Variants in DPH6 observed in about 807,000 individuals in gnomAD.
DPH6 encodes the protein diphthine--ammonia ligase.
A neutral mutation model predicts 38.2 loss-of-function variants in DPH6; 33 were observed. The observed-to-expected ratio is 0.86, with a 90% CI of 0.65 to 1.15. The LOEUF is 1.15. Ranked by LOEUF, DPH6 falls within the 50% of genes most tolerant of loss-of-function variation. The pLI, the probability that DPH6 is intolerant of heterozygous loss-of-function variation, is 0.00. For synonymous variants in DPH6, 108 were observed against 103.0 expected (o/e 1.05, Z -0.30); for missense variants, 325 against 320.0 (o/e 1.02, Z -0.12).
intron 6 of DPH6, among the ~76,000 whole-genome samples, chr15:35,408,181 GA>G (rs1290593396): frequency 1.3e-5 from 2 of 152,070 alleles, no homozygotes; most frequent in East Asian, 3.9e-4. Flanking sequence ...GCAGGTGAGG[GA>G]AAGAGGAGTC....
chr15:35,477,751 A>G (rs1399976999), intron 3 of DPH6, among the ~76,000 whole-genome samples: 2 of 151,810 alleles, frequency 1.3e-5, no homozygotes, highest in African/African-American at 4.8e-5. Flanking sequence ...ATTTTCTTCA[A>G]TTTCACATTC....
At chr15:35,174,547 A>C in the DPH6 span, among the ~76,000 whole-genome samples, 6 of 152,236 alleles carry the variant, frequency 3.9e-5, no homozygotes, top group African/African-American at 9.6e-5. Context: ...GAACACTAGG[A>C]TTGAATATAC....
In DPH6 at chr15:35,372,196, G is replaced by A. The variant is rs974588124; in HGVS notation, c.758C>T (p.Ser253Leu). ...AGATGTTCTGTAGTTGTCAGGCACT[G>A]AGGACACCTAAAAAAAAAAGGGAAG... ...LELHLEDKVSSVPDNYRTSNY... is the reference protein window; with the variant it reads ...LELHLEDKVSLVPDNYRTSNY... The change falls in exon 9 of 9, where the codon TCA becomes TTA. Residue 253 changes from serine to leucine, a missense_variant. Transcript: ENST00000256538. The A allele has an allele frequency of 4.7e-6, 7 of 1,491,758 alleles. No homozygotes were observed. In the African/African-American group the frequency reaches 7.8e-5, roughly 17 times the overall value. 92.4% of individuals were successfully genotyped at this position (1,491,758 alleles called of 1,614,324 possible).
the DPH6 span, among the ~76,000 whole-genome samples, chr15:35,173,720 A>G: frequency 8.9e-4 from 135 of 152,144 alleles, no homozygotes; most frequent in African/African-American, 2.5e-3. Context: ...TCGAATTAAC[A>G]GCAATTCTTT....
chr15:35,357,884 A>T (rs2052579124), intron 3 of DPH6, among the ~76,000 whole-genome samples: 2 of 152,040 alleles, frequency 1.3e-5, no homozygotes, highest in African/African-American at 4.8e-5. Flanking sequence ...CTTTGTGATG[A>T]ATTTCCCAGG....
At chr15:35,435,222 A>G (rs1013088975) in intron 5 of DPH6, among the ~76,000 whole-genome samples, 2 of 152,224 alleles carry the variant, frequency 1.3e-5, no homozygotes, top group African/African-American at 4.8e-5. Flanking sequence ...GTTTAGTCTA[A>G]AGCTGCCTCC....
Position 35,465,144 on chromosome 15 carries a change from A to C in DPH6, c.313-10324T>G, listed in dbSNP as rs113622935. ...AATGAAAACTCAGCCTACTTATTACAAAGATAAGAAGATATGCAGCTTGCA... is the reference window on the plus strand; with the variant it reads ...AATGAAAACTCAGCCTACTTATTACCAAGATAAGAAGATATGCAGCTTGCA... On this transcript the variant is annotated intron_variant, in intron 3 of 8. Transcript: ENST00000256538. Among the ~76,000 whole-genome samples the C allele has an allele frequency of 5.3e-3, 814 of 152,346 alleles. 11 individuals carry two copies. The highest frequency in any genetic ancestry group is 0.019 in the African/African-American group (770 of 41,574).
chr15:35,470,049 T>G (rs1447503507), intron 3 of DPH6, among the ~76,000 whole-genome samples: 1 of 151,952 alleles, frequency 6.6e-6, no homozygotes, highest in Non-Finnish European at 1.5e-5. Flanking sequence ...AATACAAAAA[T>G]TAGCCGGGCA....
chr15:35,324,358 T>C (rs533194790), intron 3 of DPH6, among the ~76,000 whole-genome samples: 14 of 152,190 alleles, frequency 9.2e-5, no homozygotes, highest in South Asian at 8.3e-4. Flanking sequence ...GCAGGAGGAA[T>C]GGGAGGGAAA....
At chr15:35,445,636 T>C (rs1322298855) in intron 5 of DPH6, among the ~76,000 whole-genome samples, 1 of 151,830 alleles carries the variant, frequency 6.6e-6, no homozygotes, top group South Asian at 2.1e-4. Context: ...TATTTTATCA[T>C]TTACTACCAT....
At chr15:35,393,832 G>C (rs2053091724) in intron 6 of DPH6, among the ~76,000 whole-genome samples, 1 of 152,122 alleles carries the variant, frequency 6.6e-6, no homozygotes, top group Non-Finnish European at 1.5e-5. Context: ...GAGGATTGAG[G>C]AAAGTTAAAA....
chr15:35,358,591 C>T (rs2052587580), intron 3 of DPH6, among the ~76,000 whole-genome samples: 1 of 152,176 alleles, frequency 6.6e-6, no homozygotes, highest in African/African-American at 2.4e-5. Context: ...TGATGTAGTA[C>T]TCTCCCCTTT....
intron 2 of DPH6, among the ~76,000 whole-genome samples, chr15:35,540,414 G>A (rs1452315319): frequency 2.0e-5 from 3 of 151,996 alleles, no homozygotes; most frequent in Non-Finnish European, 4.4e-5. Context: ...GGACATTGGA[G>A]TCATCTCTAC....
At chr15:35,356,139 C>A (rs931681915) in intron 3 of DPH6, among the ~76,000 whole-genome samples, 1 of 152,212 alleles carries the variant, frequency 6.6e-6, no homozygotes, top group Admixed American at 6.5e-5. Flanking sequence ...TCCATCAGGT[C>A]ATTTAAGGAT....
intron 3 of DPH6, among the ~76,000 whole-genome samples, chr15:35,513,741 C>G (rs988675340): frequency 1.3e-5 from 2 of 151,814 alleles, no homozygotes; most frequent in African/African-American, 4.8e-5. Flanking sequence ...TTGACAGATA[C>G]AGAGACTACT....
chr15:35,520,400 A>G, intron 3 of DPH6: 2 of 983,332 alleles, frequency 2.0e-6, no homozygotes, highest in African/African-American at 1.7e-5. Flanking sequence ...AATAAGTTAC[A>G]TCAAACAATA....
intron 3 of DPH6, among the ~76,000 whole-genome samples, chr15:35,469,060 A>C (rs1336528238): frequency 2.3e-5 from 3 of 131,218 alleles, no homozygotes; most frequent in African/African-American, 8.6e-5. Flanking sequence ...ACAAGAGCAA[A>C]ACTCTGCTTC....
chr15:35,319,032 T>C (rs1362553879), intron 3 of DPH6, among the ~76,000 whole-genome samples: 1 of 152,222 alleles, frequency 6.6e-6, no homozygotes, highest in Admixed American at 6.5e-5. Context: ...GCAAGTCTAC[T>C]AACCTTCATA....
At chr15:35,506,772 A>G (rs771268353) in intron 3 of DPH6, among the ~76,000 whole-genome samples, 2 of 152,232 alleles carry the variant, frequency 1.3e-5, no homozygotes, top group South Asian at 2.1e-4. Flanking sequence ...AGTCATTAAC[A>G]ATAGATTTTT....
Sources: allele counts gnomAD v4.1 joint callset (sites outside exome capture counted in the v4.1 genomes callset), GRCh38; gene constraint gnomAD v4.1.1; transcripts MANE v1.5; gene names NCBI Gene and HGNC (gene_info 2026-07-23, HGNC 2026-07-21).